The following MYH15 variants were observed in gnomAD, a reference collection of about 807,000 sequenced individuals.
The protein encoded by MYH15 is myosin-15.
A neutral mutation model predicts 240.5 loss-of-function variants in MYH15; 227 were observed. The observed-to-expected ratio is 0.94, with a 90% confidence interval of 0.85 to 1.05. The LOEUF (loss-of-function observed/expected upper bound fraction) is 1.05, where lower values mean the gene tolerates loss of function less well. Ranked by LOEUF, MYH15 falls within the 50% of genes least tolerant of loss-of-function variation. The pLI, the probability that MYH15 is intolerant of heterozygous loss-of-function variation, is 0.00. For synonymous variants in MYH15, 785 were observed against 796.7 expected, an observed-to-expected ratio of 0.99 and a Z score of 0.25; for missense variants, 2,217 against 2,247.5, an observed-to-expected ratio of 0.99 and a Z score of 0.27.
chr3:108,485,344 C>T, intron 10 of MYH15, 115 bp from the exon 11 acceptor site: 1 of 1,195,614 alleles, frequency 8.4e-7, no homozygotes, highest in South Asian at 1.4e-5. Context: ...AGACAGACAG[C>T]TCTGTTCAAA....
At chr3:108,533,137 T>G (rs199587717), upstream of MYH15, among the ~76,000 whole-genome samples, 1 of 132,746 alleles carries the variant, frequency 7.5e-6, no homozygotes, top group East Asian at 2.2e-4. Flanking sequence ...TTTTTTTTTT[T>G]CATGAGTATT....
chr3:108,399,037 T>TCCAC (rs1429461737), intron 34 of MYH15, 38 bp downstream of exon 34: 1 of 1,587,382 alleles, frequency 6.3e-7, no homozygotes, highest in Non-Finnish European at 8.6e-7. Context: ...AGAAACATTT[T>TCCAC]CCACCCCTCC....
chr3:108,461,092 G>T (rs2107581179), intron 16 of MYH15, among the ~76,000 whole-genome samples: 1 of 152,284 alleles, frequency 6.6e-6, no homozygotes, highest in Admixed American at 6.5e-5. Flanking sequence ...TTTGAATAGT[G>T]CTAAGTTACT....
chr3:108,408,767 G>A (rs1210016187), intron 31 of MYH15, among the ~76,000 whole-genome samples: 1 of 152,152 alleles, frequency 6.6e-6, no homozygotes, highest in Non-Finnish European at 1.5e-5. Context: ...TAAGTGCTTA[G>A]CTATCAACAT....
chr3:108,521,687 A>G (rs558230267), intron 1 of MYH15, among the ~76,000 whole-genome samples: 1 of 152,334 alleles, frequency 6.6e-6, no homozygotes, highest in South Asian at 2.1e-4. Flanking sequence ...TTGTTGCTTC[A>G]TACAGGAATG....
intron 20 of MYH15, 144 bp from the exon 21 acceptor site, chr3:108,454,286 T>C (rs1293365620): frequency 4.4e-6 from 3 of 682,786 alleles, no homozygotes; most frequent in Admixed American, 3.4e-5. Context: ...GTGTAAAATC[T>C]ACTTCTTAGA....
In MYH15 at chr3:108,444,772, T is replaced by A. The variant is rs749278057; in HGVS notation, c.2523A>T (p.Val841=). 6.2e-7 allele frequency: 1 copy of A among 1,614,122 alleles called. No individual in the cohort carries two copies. ...LVKSSEVGEE[V]AGLKEECAQL... ...GTGCACACTCTTCCTTCAGTCCAGC[T>A]ACTTCTTCTCCTACTTCTGAAGATT... Residue 841 remains valine (V), a synonymous_variant, in exon 22 of 41, where the codon GTA becomes GTT. Coordinates refer to ENST00000693548, the MANE Select transcript of MYH15 (RefSeq NM_014981.3).
intron 10 of MYH15, 56 bp downstream of exon 10, chr3:108,486,367 T>A (rs996543498): frequency 7.1e-7 from 1 of 1,412,218 alleles, no homozygotes; most frequent in Non-Finnish European, 9.9e-7. Context: ...TAAGATTCTG[T>A]CTTTCATTTC....
At chr3:108,416,440 G>A (rs1041932025) in intron 29 of MYH15, among the ~76,000 whole-genome samples, 1 of 152,088 alleles carries the variant, frequency 6.6e-6, no homozygotes, top group Non-Finnish European at 1.5e-5. Flanking sequence ...ATAATTTATT[G>A]ACAATTTAAA....
chr3:108,456,880 A>G lies in MYH15; in HGVS notation c.2024T>C (p.Ile675Thr), dbSNP rs1371097497. ...CTGTAGAACCAAGTAAGGGTCCAGT[A>G]TACCTGGAAAAAAAAAAGAGTCATG... ...INPNVNKIPG[I>T]LDPYLVLQQL... The change falls in exon 19 of 41, where the codon ATA (isoleucine) becomes ACA (threonine). Residue 675 changes from isoleucine to threonine, a missense_variant. Physicochemically the swap from Ile to Thr is moderately conservative, Grantham distance 89. Coordinates refer to ENST00000693548, the MANE Select transcript of MYH15 (RefSeq NM_014981.3). 3.7e-6 allele frequency: 6 copies of G among 1,602,190 alleles called. No individual in the cohort carries two copies. The highest frequency in any genetic ancestry group is 3.4e-6 in the Non-Finnish European group (4 of 1,171,958).
At chr3:108,525,739 G>T (rs745829961) in intron 1 of MYH15, among the ~76,000 whole-genome samples, 1 of 151,904 alleles carries the variant, frequency 6.6e-6, no homozygotes, top group South Asian at 2.1e-4. Context: ...TAATGATGGC[G>T]GCAAAGCAGA....
chr3:108,470,134 G>A lies in MYH15; in HGVS notation c.1462C>T (p.Leu488=). The change falls in exon 14 of 41, where the codon CTG becomes TTG. Residue 488 remains leucine, a synonymous_variant. Coordinates refer to ENST00000693548, the MANE Select transcript of MYH15 (RefSeq NM_014981.3). ...QQFFNWHMFV[L]EQEEYKKESI... Reference sequence around the variant, plus strand: ...TCTTTCTTATATTCCTCTTGCTCCAGAACAAACATGTGCCAATTGAAGAAT... The same window carrying A: ...TCTTTCTTATATTCCTCTTGCTCCAAAACAAACATGTGCCAATTGAAGAAT... 6.2e-7 allele frequency: 1 copy of A among 1,609,704 alleles called. No homozygotes were observed. The highest frequency in any genetic ancestry group is 8.5e-7 in the Non-Finnish European group (1 of 1,178,412).
At chr3:108,417,794 T>C (rs868193976) in intron 28 of MYH15, among the ~76,000 whole-genome samples, 1,079 of 93,260 alleles carry the variant, frequency 0.012, 11 homozygotes, top group African/African-American at 0.032. Flanking sequence ...TGTATATATA[T>C]ATACACACAC....
At chr3:108,455,496 C>T (rs1382332317) in intron 20 of MYH15, among the ~76,000 whole-genome samples, 2 of 152,132 alleles carry the variant, frequency 1.3e-5, no homozygotes, top group African/African-American at 4.8e-5. Context: ...TATCTTGACA[C>T]AAATTTGCTT....
intron 7 of MYH15, among the ~76,000 whole-genome samples, chr3:108,493,979 C>T (rs1476945634): frequency 1.3e-5 from 2 of 152,174 alleles, no homozygotes; most frequent in Non-Finnish European, 2.9e-5. Flanking sequence ...TCTAGAGGGG[C>T]AGAAATGCTG....
the MYH15 span, among the ~76,000 whole-genome samples, chr3:108,537,888 TAC>T: frequency 5.8e-4 from 88 of 152,298 alleles, 2 homozygotes; most frequent in South Asian, 0.014. Context: ...GCATAATTAC[TAC>T]AGTCTTGTTT....
At chr3:108,433,691 T>G (rs2082800862) in intron 25 of MYH15, among the ~76,000 whole-genome samples, 1 of 152,004 alleles carries the variant, frequency 6.6e-6, no homozygotes. Context: ...CTGCACAAGT[T>G]CTCTCTGTTT....
At chr3:108,428,911 T>C in intron 26 of MYH15, 30 bp from the exon 27 acceptor site, 2 of 1,564,982 alleles carry the variant, frequency 1.3e-6, no homozygotes. Context: ...TGACTTTTAC[T>C]AAGCACTTGT....
intron 1 of MYH15, among the ~76,000 whole-genome samples, chr3:108,525,952 AC>A (rs1376736788): frequency 1.3e-5 from 2 of 152,142 alleles, no homozygotes; most frequent in African/African-American, 4.8e-5. Flanking sequence ...TAGTAGGCAA[AC>A]AAACATCTTT....
Sources: gnomAD v4.1 joint callset for allele counts (sites outside exome capture counted in the v4.1 genomes callset) on GRCh38, gnomAD v4.1.1 for gene constraint, MANE v1.5 for transcripts, NCBI Gene and HGNC (gene_info 2026-07-23, HGNC 2026-07-21) for gene names.